The following SCTR variants were observed in gnomAD, a reference collection of about 807,000 sequenced individuals.
SCTR encodes the protein secretin receptor.
A neutral mutation model predicts 60.8 loss-of-function variants in SCTR; 56 were observed. The observed-to-expected ratio is 0.92, with a 90% confidence interval of 0.74 to 1.15. The LOEUF (loss-of-function observed/expected upper bound fraction) is 1.15. Ranked by LOEUF, SCTR falls within the 50% of genes most tolerant of loss-of-function variation. The probability of loss-of-function intolerance (pLI) is 0.00; values close to 1 mark genes in which losing one functional copy is unlikely to be tolerated. For synonymous variants in SCTR, 202 were observed against 217.0 expected (o/e 0.93, Z 0.61); for missense variants, 562 against 550.4 (o/e 1.02, Z -0.21).
rs769000474 is a variant in SCTR, at chr2:119,508,926, G to A, written c.73-14378C>T. Among the ~76,000 whole-genome samples the A allele has an allele frequency of 3.3e-5, 5 of 152,196 alleles. 1 individual carries two copies. Among genetic ancestry groups the A allele is most frequent in the South Asian group, 4.1e-4 (2 of 4,830 alleles). ...TGTACATCCATTGCGTCCTCTTGAT[G>A]TTAATATACAGGAAGTAACTCAGAC... is the stretch of plus-strand genomic sequence containing the variant. On this transcript the variant is annotated intron_variant, in intron 1 of 12. Transcript: ENST00000019103.
At chr2:119,500,799 T>G (rs1233318575) in intron 1 of SCTR, among the ~76,000 whole-genome samples, 2 of 151,920 alleles carry the variant, frequency 1.3e-5, no homozygotes, top group African/African-American at 4.8e-5. Flanking sequence ...GAAATATGAC[T>G]TAGTGTTTGA....
chr2:119,522,178 C>T (rs570703210), intron 1 of SCTR, among the ~76,000 whole-genome samples: 18 of 152,274 alleles, frequency 1.2e-4, no homozygotes, highest in African/African-American at 4.3e-4. Flanking sequence ...TGCCTGTAAT[C>T]CCAGCTACTT....
intron 2 of SCTR, chr2:119,487,172 C>T (rs1163318947): frequency 6.6e-6 from 1 of 152,184 alleles, no homozygotes; most frequent in East Asian, 1.9e-4. Context: ...GGAGTGATGA[C>T]TTAATGGGTA....
chr2:119,448,852 C>T, intron 9 of SCTR, 72 bp from the exon 10 acceptor site: 1 of 822,888 alleles, frequency 1.2e-6, no homozygotes, highest in South Asian at 1.5e-5. Flanking sequence ...GCCCTGTCCC[C>T]TGGACCTGAG....
At chr2:119,490,890 C>T (rs1233209757) in intron 2 of SCTR, among the ~76,000 whole-genome samples, 1 of 152,198 alleles carries the variant, frequency 6.6e-6, no homozygotes, top group East Asian at 1.9e-4. Flanking sequence ...AAACTGCTCG[C>T]TCTGAAGCAG....
chr2:119,474,536 G>T (rs1005820624), intron 3 of SCTR, among the ~76,000 whole-genome samples: 2 of 152,204 alleles, frequency 1.3e-5, no homozygotes, highest in African/African-American at 4.8e-5. Flanking sequence ...GTTGCAGGGG[G>T]CAGGATGCTG....
intron 1 of SCTR, among the ~76,000 whole-genome samples, chr2:119,512,572 T>C (rs1573926474): frequency 6.7e-6 from 1 of 149,290 alleles, no homozygotes; most frequent in East Asian, 1.9e-4. Flanking sequence ...AATTTTTGTA[T>C]TTTTAGTAGA....
At chr2:119,502,698 A>G (rs1404623581) in intron 1 of SCTR, among the ~76,000 whole-genome samples, 1 of 152,128 alleles carries the variant, frequency 6.6e-6, no homozygotes, top group African/African-American at 2.4e-5. Flanking sequence ...GTGATAAAAT[A>G]AAGGAATGAG....
At chr2:119,516,698 G>T (rs145033361) in intron 1 of SCTR, among the ~76,000 whole-genome samples, 2 of 152,098 alleles carry the variant, frequency 1.3e-5, no homozygotes, top group South Asian at 4.1e-4. Context: ...GGTGGTTCAC[G>T]CCTATAATCC....
At chr2:119,498,650 A>G (rs1303167266) in intron 1 of SCTR, among the ~76,000 whole-genome samples, 1 of 152,126 alleles carries the variant, frequency 6.6e-6, no homozygotes, top group African/African-American at 2.4e-5. Context: ...TGGGAGCATG[A>G]GAACACCAGT....
chr2:119,453,245 GATGTCA>G, intron 8 of SCTR, 36 bp downstream of exon 8: 1 of 1,431,798 alleles, frequency 7.0e-7, no homozygotes, highest in Non-Finnish European at 9.9e-7. Flanking sequence ...AAAGCTGGAC[GATGTCA>G]GATACATTCT....
In SCTR at chr2:119,453,291, C is replaced by T. The variant is rs1259611947; in HGVS notation, c.847G>A (p.Val283Ile). Reference protein sequence around the residue: ...WAIARHFLEDVGCWDINANAS... With the variant: ...WAIARHFLEDIGCWDINANAS... ...ATCCTCCTTCCGTTAGCTTACCCAA[C>T]ATCTTCCAGAAAGTGTCTGGCAATA... Residue 283 changes from valine to isoleucine, a missense_variant, in exon 8 of 13, where the codon GTT (valine) becomes ATT (isoleucine). By Grantham distance (29) the Val-to-Ile change is conservative. Transcript: ENST00000019103. 6 of 1,610,908 alleles carry T rather than the reference C, an allele frequency of 3.7e-6. No individual in the cohort carries two copies. The African/African-American group carries it at 5.3e-5, about 14-fold the overall frequency.
chr2:119,503,138 G>A (rs545456149), intron 1 of SCTR, among the ~76,000 whole-genome samples: 22 of 110,784 alleles, frequency 2.0e-4, no homozygotes, highest in Non-Finnish European at 1.0e-4. Context: ...CAGCCTGGGC[G>A]ACAAAGCAAG....
chr2:119,511,593 A>G (rs190471965), intron 1 of SCTR, among the ~76,000 whole-genome samples: 29 of 152,056 alleles, frequency 1.9e-4, no homozygotes, highest in Non-Finnish European at 3.4e-4. Context: ...CCACAGTCCT[A>G]TTGGTTTTTC....
At chr2:119,516,509 A>G (rs1417497575) in intron 1 of SCTR, among the ~76,000 whole-genome samples, 1 of 152,178 alleles carries the variant, frequency 6.6e-6, no homozygotes, top group Non-Finnish European at 1.5e-5. Flanking sequence ...GGAATATTAC[A>G]AAGTTGAATA....
chr2:119,501,009 A>T (rs2920693), intron 1 of SCTR, among the ~76,000 whole-genome samples: 130,304 of 152,182 alleles, frequency 0.86, 55,886 homozygotes, highest in African/African-American at 0.9. Context: ...TATATATCTA[A>T]ATGTGTCAAT....
chr2:119,524,413 C>G lies in SCTR; in HGVS notation c.-187G>C, dbSNP rs1222937415. ...CTCCTCCTCGGACCAGGTGGCCGCGCGCGCTAAGCCGCCCGCCCCATTGAT... is the reference window on the plus strand; with the variant it reads ...CTCCTCCTCGGACCAGGTGGCCGCGGGCGCTAAGCCGCCCGCCCCATTGAT... On this transcript the variant is annotated 5_prime_UTR_variant, in exon 1 of 13. Coordinates refer to ENST00000019103, the MANE Select transcript of SCTR (RefSeq NM_002980.3). 2.6e-6 allele frequency: 1 copy of G among 384,822 alleles called. No homozygotes were observed. The highest frequency in any genetic ancestry group is 1.1e-4 in the South Asian group (1 of 8,790). The allele number at this position is 384,822 out of a possible 1,614,324, so 23.8% of individuals were successfully genotyped here.
intron 9 of SCTR, among the ~76,000 whole-genome samples, chr2:119,450,275 G>T (rs1683111954): frequency 6.6e-6 from 1 of 152,012 alleles, no homozygotes; most frequent in African/African-American, 2.4e-5. Context: ...TTTGCATCAG[G>T]AGTGCTCATC....
chr2:119,482,178 G>C (rs1677639957), intron 2 of SCTR, among the ~76,000 whole-genome samples: 1 of 152,214 alleles, frequency 6.6e-6, no homozygotes. Context: ...CCAGGCTCTG[G>C]GAACTGGAGA....
Sources: allele counts gnomAD v4.1 joint callset (sites outside exome capture counted in the v4.1 genomes callset), GRCh38; gene constraint gnomAD v4.1.1; transcripts MANE v1.5; gene names NCBI Gene and HGNC (gene_info 2026-07-23, HGNC 2026-07-21).